SHLD1: variants seen among roughly 807,000 people sequenced by gnomAD.
SHLD1 encodes the protein shieldin complex subunit 1.
Under a neutral mutation model 5.5 loss-of-function variants are expected in SHLD1, and 3 were observed. That is an observed-to-expected ratio of 0.54 (90% CI 0.25 to 1.40). The LOEUF (loss-of-function observed/expected upper bound fraction) is 1.40. Among genes scored for constraint, SHLD1 ranks in the 40% most tolerant of loss-of-function variants. SHLD1 has a pLI of 0.15. For missense variants in SHLD1, 210 were observed against 244.4 expected, an observed-to-expected ratio of 0.86 and a Z score of 0.94; for synonymous variants, 92 against 94.3, an observed-to-expected ratio of 0.98 and a Z score of 0.14.
intron 1 of SHLD1, chr20:5,771,778 C>T (rs193153121): frequency 4.3e-5 from 8 of 187,742 alleles, no homozygotes; most frequent in Admixed American, 1.9e-4. Flanking sequence ...CACAATTTCA[C>T]GGATAGAAGA....
chr20:5,762,198 G>A (rs1984505388), intron 1 of SHLD1, among the ~76,000 whole-genome samples: 1 of 151,638 alleles, frequency 6.6e-6, no homozygotes, highest in African/African-American at 2.4e-5. Flanking sequence ...GTTGCAGTGA[G>A]CCGAGATTGC....
Position 5,772,963 on chromosome 20 carries a change from G to T in SHLD1, c.98G>T (p.Gly33Val), listed in dbSNP as rs538531433. The T allele has an allele frequency of 6.2e-7, 1 of 1,614,156 alleles. No homozygotes were observed. Among genetic ancestry groups the T allele is most frequent in the East Asian group, 2.2e-5 (1 of 44,886 alleles). Residue 33 changes from glycine to valine, a missense_variant, in exon 2 of 3, where the codon GGA becomes GTA. Gly to Val is a moderately radical substitution (Grantham distance 109, BLOSUM62 -3). Coordinates refer to ENST00000303142, the MANE Select transcript of SHLD1 (RefSeq NM_152504.4). ...ACDIRDYVLQGPSQEANSEAF... is the reference protein window; with the variant it reads ...ACDIRDYVLQVPSQEANSEAF... ...GACATAAGAGATTACGTCCTGCAGG[G>T]ACCCAGCCAAGAAGCCAACAGCGAG...
intron 2 of SHLD1, among the ~76,000 whole-genome samples, chr20:5,809,348 A>G (rs921518183): frequency 1.3e-5 from 2 of 152,208 alleles, no homozygotes; most frequent in Admixed American, 1.3e-4. Flanking sequence ...TTAGAATTAG[A>G]TGTATTTGCT....
chr20:5,825,294 A>T (rs2087652961), intron 2 of SHLD1, among the ~76,000 whole-genome samples: 1 of 152,240 alleles, frequency 6.6e-6, no homozygotes, highest in African/African-American at 2.4e-5. Flanking sequence ...GAGGCCAGTC[A>T]ATACAGTCGG....
intron 2 of SHLD1, among the ~76,000 whole-genome samples, chr20:5,813,572 A>G (rs374738440): frequency 6.6e-6 from 1 of 152,218 alleles, no homozygotes; most frequent in South Asian, 2.1e-4. Flanking sequence ...AATCTGTAAC[A>G]GCTGCTGCTG....
At chr20:5,780,788 C>G (rs1179377446) in intron 2 of SHLD1, among the ~76,000 whole-genome samples, 8 of 152,162 alleles carry the variant, frequency 5.3e-5, no homozygotes, top group Admixed American at 5.2e-4. Context: ...GGCACATGGC[C>G]TCTACCTCCA....
intron 2 of SHLD1, among the ~76,000 whole-genome samples, chr20:5,826,648 A>G (rs1177174914): frequency 6.6e-6 from 1 of 152,066 alleles, no homozygotes; most frequent in East Asian, 1.9e-4. Context: ...AGTTCAGTGC[A>G]GTAGTTGAGA....
At chr20:5,773,971 A>G (rs906168511) in intron 2 of SHLD1, among the ~76,000 whole-genome samples, 4 of 152,150 alleles carry the variant, frequency 2.6e-5, no homozygotes, top group Non-Finnish European at 5.9e-5. Flanking sequence ...TGGGAGGCCG[A>G]GGCGGGTGGA....
intron 2 of SHLD1, among the ~76,000 whole-genome samples, chr20:5,776,102 G>A (rs748591193): frequency 9.2e-5 from 14 of 151,422 alleles, no homozygotes; most frequent in Admixed American, 3.3e-4. Context: ...TAATTTTTGT[G>A]TTTTTAGTAG....
At chr20:5,819,528 A>G (rs934083631) in intron 2 of SHLD1, among the ~76,000 whole-genome samples, 1 of 152,190 alleles carries the variant, frequency 6.6e-6, no homozygotes, top group Non-Finnish European at 1.5e-5. Context: ...TGTCATATTA[A>G]AACATCATGT....
At chr20:5,821,946 C>T (rs1377107693) in intron 2 of SHLD1, among the ~76,000 whole-genome samples, 1 of 152,116 alleles carries the variant, frequency 6.6e-6, no homozygotes, top group East Asian at 1.9e-4. Context: ...TCCTCTGCTG[C>T]ACTCGACAGT....
At chr20:5,833,795 G>A (rs1378199788) in intron 2 of SHLD1, among the ~76,000 whole-genome samples, 2 of 133,634 alleles carry the variant, frequency 1.5e-5, no homozygotes, top group Non-Finnish European at 3.2e-5. Flanking sequence ...GAGAAAAAGA[G>A]AGAGAAAGAG....
intron 1 of SHLD1, among the ~76,000 whole-genome samples, chr20:5,761,048 C>G (rs976743290): frequency 6.6e-6 from 1 of 151,952 alleles, no homozygotes; most frequent in Non-Finnish European, 1.5e-5. Flanking sequence ...ATAGAACGTA[C>G]TGGATAAGGA....
chr20:5,756,736 A>T (rs1361505950), intron 1 of SHLD1: 1 of 222,270 alleles, frequency 4.5e-6, no homozygotes, highest in Admixed American at 5.8e-5. Context: ...TTGTAGCCCA[A>T]GCTGGAGTAC....
At chr20:5,848,401 G>T (rs1232266879) in intron 2 of SHLD1, among the ~76,000 whole-genome samples, 3 of 152,168 alleles carry the variant, frequency 2.0e-5, no homozygotes, top group Admixed American at 2.0e-4. Flanking sequence ...TTAGCTGGAT[G>T]CCAGCTACTA....
intron 2 of SHLD1, among the ~76,000 whole-genome samples, chr20:5,815,554 C>T (rs542562235): frequency 6.6e-6 from 1 of 152,266 alleles, no homozygotes; most frequent in Non-Finnish European, 1.5e-5. Context: ...ATGACTTTCA[C>T]ATTTTAAAAT....
At chr20:5,825,090 T>TGGAA (rs2087651168) in intron 2 of SHLD1, among the ~76,000 whole-genome samples, 1 of 152,230 alleles carries the variant, frequency 6.6e-6, no homozygotes, top group African/African-American at 2.4e-5. Flanking sequence ...TATGAAGGTA[T>TGGAA]GGAACATCAT....
chr20:5,760,797 G>A (rs1158694539), intron 1 of SHLD1, among the ~76,000 whole-genome samples: 1 of 152,080 alleles, frequency 6.6e-6, no homozygotes, highest in Admixed American at 6.6e-5. Flanking sequence ...ACATGAAGTG[G>A]TCAAGGAGAA....
At chr20:5,773,974 C>T (rs979512581) in intron 2 of SHLD1, among the ~76,000 whole-genome samples, 27 of 152,156 alleles carry the variant, frequency 1.8e-4, no homozygotes, top group Admixed American at 1.2e-3. Context: ...GAGGCCGAGG[C>T]GGGTGGATCA....
Sources: allele counts gnomAD v4.1 joint callset (sites outside exome capture counted in the v4.1 genomes callset), GRCh38; gene constraint gnomAD v4.1.1; transcripts MANE v1.5; gene names NCBI Gene and HGNC (gene_info 2026-07-23, HGNC 2026-07-21).